Variants in HYDIN observed in about 807,000 individuals in gnomAD.
The protein encoded by HYDIN is HYDIN axonemal central pair apparatus protein, also known as axonemal central pair apparatus protein HYDIN.
HYDIN carries 132 observed loss-of-function variants against 403.9 expected under a neutral mutation model. The ratio of observed to expected loss-of-function variants is 0.33; its 90% CI spans 0.28 to 0.38. HYDIN has a LOEUF of 0.38. Among genes scored for constraint, HYDIN ranks in the 10% least tolerant of loss-of-function variants. The probability of loss-of-function intolerance (pLI) is 1.00; values close to 1 mark genes in which losing one functional copy is unlikely to be tolerated. For missense variants in HYDIN, 2,827 were observed against 5,009.5 expected (o/e 0.56, Z 13.15); for synonymous variants, 1,202 against 1,891.7 (o/e 0.64, Z 9.46).
intron 23 of HYDIN, among the ~76,000 whole-genome samples, chr16:71,009,375 GT>G (rs1357863428): frequency 7.7e-6 from 1 of 129,452 alleles, no homozygotes; most frequent in Non-Finnish European, 1.6e-5. Flanking sequence ...AACAAATTCT[GT>G]TTTTCTTTTC....
chr16:70,855,677 C>T (rs1160130523), intron 72 of HYDIN, among the ~76,000 whole-genome samples: 1 of 152,264 alleles, frequency 6.6e-6, no homozygotes, highest in Non-Finnish European at 1.5e-5. Context: ...GAAAATAGAC[C>T]TTTGGTATTG....
intron 1 of HYDIN, among the ~76,000 whole-genome samples, chr16:71,222,797 C>A (rs1015491400): frequency 1.3e-5 from 2 of 152,050 alleles, no homozygotes; most frequent in Non-Finnish European, 2.9e-5. Context: ...AGGGGAAAGA[C>A]CTCTACGCGG....
At chr16:71,191,100 A>G (rs911865101) in intron 1 of HYDIN, among the ~76,000 whole-genome samples, 3 of 152,196 alleles carry the variant, frequency 2.0e-5, no homozygotes, top group African/African-American at 7.2e-5. Context: ...TAAAAACTGA[A>G]TAATGGATGA....
intron 5 of HYDIN, among the ~76,000 whole-genome samples, chr16:71,163,277 C>G (rs563738260): frequency 6.6e-6 from 1 of 152,172 alleles, no homozygotes; most frequent in Admixed American, 6.5e-5. Context: ...CACCCGCCAC[C>G]ACGCCCGGCT....
At chr16:71,185,851 C>T (rs1166114025) in intron 2 of HYDIN, among the ~76,000 whole-genome samples, 1 of 152,092 alleles carries the variant, frequency 6.6e-6, no homozygotes. Context: ...AACTTAGCTG[C>T]TTTATGTTGC....
intron 84 of HYDIN, chr16:70,811,539 T>C (rs1320518474): frequency 1.3e-5 from 2 of 150,810 alleles, no homozygotes; most frequent in Non-Finnish European, 3.0e-5. Flanking sequence ...ATTTAGATAA[T>C]TTTACCACAA....
chr16:70,879,533 A>G (rs1210430224), intron 61 of HYDIN, 47 bp from the exon 62 acceptor site: 2 of 1,607,200 alleles, frequency 1.2e-6, no homozygotes, highest in African/African-American at 1.4e-5. Context: ...GCATGGTGGG[A>G]ATGACACTCC....
chr16:71,016,394 A>G (rs555291559), intron 23 of HYDIN, among the ~76,000 whole-genome samples: 1 of 152,292 alleles, frequency 6.6e-6, no homozygotes, highest in East Asian at 1.9e-4. Context: ...ATATCAGGGA[A>G]ATTCAATAAA....
intron 9 of HYDIN, among the ~76,000 whole-genome samples, chr16:71,122,726 A>G (rs2084307299): frequency 6.6e-6 from 1 of 151,428 alleles, no homozygotes; most frequent in Non-Finnish European, 1.5e-5. Context: ...GGCTTAGATG[A>G]CGACAAAGCA....
chr16:70,953,468 C>T (rs2078134634), intron 40 of HYDIN, among the ~76,000 whole-genome samples: 2 of 152,132 alleles, frequency 1.3e-5, no homozygotes, highest in South Asian at 2.1e-4. Context: ...CTCCTCCTCG[C>T]TTCTCCCTTT....
At chr16:70,931,836 G>A (rs1211395363) in intron 45 of HYDIN, among the ~76,000 whole-genome samples, 1 of 151,142 alleles carries the variant, frequency 6.6e-6, no homozygotes, top group African/African-American at 2.4e-5. Flanking sequence ...CCAATATGGT[G>A]AAATCCTGTC....
chr16:71,227,724 G>A (rs112392409), intron 1 of HYDIN, among the ~76,000 whole-genome samples: 1 of 152,160 alleles, frequency 6.6e-6, no homozygotes, highest in Non-Finnish European at 1.5e-5. Context: ...TCGTGAAAAT[G>A]GCCATACTGC....
chr16:71,053,642 T>C (rs200688037), intron 18 of HYDIN, among the ~76,000 whole-genome samples: 2 of 18,296 alleles, frequency 1.1e-4, no homozygotes, highest in Non-Finnish European at 2.4e-4. Context: ...ATGCATATAA[T>C]ATATATATTA....
chr16:71,216,238 G>GA (rs1238461968), intron 1 of HYDIN, among the ~76,000 whole-genome samples: 1 of 152,092 alleles, frequency 6.6e-6, no homozygotes, highest in Non-Finnish European at 1.5e-5. Context: ...ATAGCATATA[G>GA]AAAAAATTGC....
At chr16:71,069,551 C>T (rs1206863312) in intron 13 of HYDIN, 49 bp from the exon 14 acceptor site, 15 of 1,399,096 alleles carry the variant, frequency 1.1e-5, no homozygotes, top group Non-Finnish European at 1.5e-5. Flanking sequence ...CCAACACCTC[C>T]CTTGACCCTC....
At chr16:70,949,461 T>TA (rs1014045332) in intron 41 of HYDIN, among the ~76,000 whole-genome samples, 24 of 151,418 alleles carry the variant, frequency 1.6e-4, no homozygotes, top group African/African-American at 4.6e-4. Flanking sequence ...AGTATAATAA[T>TA]AAAAAAAACA....
intron 1 of HYDIN, among the ~76,000 whole-genome samples, chr16:71,205,958 G>A (rs1338696194): frequency 6.6e-6 from 1 of 152,178 alleles, no homozygotes; most frequent in Non-Finnish European, 1.5e-5. Flanking sequence ...CTGATAACCA[G>A]GCAGACAACA....
chr16:71,098,423 C>T (rs1396366637), intron 10 of HYDIN, among the ~76,000 whole-genome samples: 4 of 151,658 alleles, frequency 2.6e-5, no homozygotes, highest in Non-Finnish European at 4.4e-5. Flanking sequence ...AGGATGGTCT[C>T]GATCTCCCAA....
chr16:71,115,251 G>A (rs1389311815), intron 10 of HYDIN, among the ~76,000 whole-genome samples: 2 of 152,050 alleles, frequency 1.3e-5, no homozygotes, highest in African/African-American at 4.8e-5. Context: ...TTTATAAGGG[G>A]CTCTTTCCTC....
Sources: gnomAD v4.1 joint callset for allele counts (sites outside exome capture counted in the v4.1 genomes callset) on GRCh38, gnomAD v4.1.1 for gene constraint, MANE v1.5 for transcripts, NCBI Gene and HGNC (gene_info 2026-07-23, HGNC 2026-07-21) for gene names.